The following KMT2C variants were observed in gnomAD, a reference collection of about 807,000 sequenced individuals.
The protein encoded by KMT2C is histone-lysine N-methyltransferase 2C.
KMT2C carries 88 observed loss-of-function variants against 507.9 expected under a neutral mutation model. That is an observed-to-expected ratio of 0.17 (90% CI 0.15 to 0.21). The LOEUF (loss-of-function observed/expected upper bound fraction) is 0.21. KMT2C is among the 10% of genes least tolerant of loss of function. The pLI is 1.00. For synonymous variants in KMT2C, 2,049 were observed against 2,080.8 expected (o/e 0.98, Z 0.42); for missense variants, 4,954 against 5,957.8 (o/e 0.83, Z 5.55).
At chr7:152,352,102 C>T (rs2097115705) in intron 2 of KMT2C, among the ~76,000 whole-genome samples, 1 of 152,174 alleles carries the variant, frequency 6.6e-6, no homozygotes, top group African/African-American at 2.4e-5. Flanking sequence ...AGGAACATCC[C>T]TAAGAAAGCA....
intron 3 of KMT2C, among the ~76,000 whole-genome samples, chr7:152,327,248 A>C (rs1358810803): frequency 2.0e-5 from 3 of 152,250 alleles, no homozygotes; most frequent in African/African-American, 7.2e-5. Context: ...GATTATTATA[A>C]ATGAAATTAT....
In KMT2C at chr7:152,162,114, T is replaced by C; in HGVS notation, c.11460+3A>G. 6.5e-7 allele frequency: 1 copy of C among 1,542,846 alleles called. No individual in the cohort carries two copies. Among genetic ancestry groups the C allele is most frequent in the South Asian group, 1.3e-5 (1 of 77,756 alleles). Reference sequence around the variant, plus strand: ...AGTTGTCGTTTTTATGATTTACACTTACCAGTCCTTCAGCTGGGTTCTGCT... The same window carrying C: ...AGTTGTCGTTTTTATGATTTACACTCACCAGTCCTTCAGCTGGGTTCTGCT... On this transcript the variant is annotated splice_donor_region_variant and intron_variant, in intron 43 of 58. Coordinates refer to ENST00000262189, the MANE Select transcript of KMT2C (RefSeq NM_170606.3).
intron 3 of KMT2C, among the ~76,000 whole-genome samples, chr7:152,328,245 G>A (rs888935157): frequency 1.3e-5 from 2 of 152,186 alleles, no homozygotes; most frequent in African/African-American, 4.8e-5. Context: ...GGAGGAGGAG[G>A]AGAGGACTAC....
Position 152,220,852 on chromosome 7 carries a change from G to A in KMT2C, c.3500-117C>T, listed in dbSNP as rs576574891. The A allele has an allele frequency of 1.2e-4, 83 of 701,116 alleles. 2 individuals are homozygous for A. In the South Asian group the frequency reaches 1.4e-3, roughly 12 times the overall value. The allele number at this position is 701,116 out of a possible 1,614,324, so 43.4% of individuals were successfully genotyped here. A position where few individuals can be genotyped will look rare whatever the true frequency, so the allele number is the denominator to read the frequency against. On this transcript the variant is annotated intron_variant, in intron 22 of 58. Coordinates refer to ENST00000262189, the MANE Select transcript of KMT2C (RefSeq NM_170606.3). ...GACTGTAGTTCTAGAAAGCAATTAC[G>A]TATCTATGAAATGCATGAATAATTA... is the stretch of plus-strand genomic sequence containing the variant.
intron 2 of KMT2C, among the ~76,000 whole-genome samples, chr7:152,338,105 G>A (rs2096955068): frequency 6.6e-6 from 1 of 152,092 alleles, no homozygotes; most frequent in South Asian, 2.1e-4. Context: ...TGATCCGCTT[G>A]CCTCAGCCTC....
intron 3 of KMT2C, among the ~76,000 whole-genome samples, chr7:152,327,687 G>A (rs755113411): frequency 2.8e-4 from 42 of 151,986 alleles, no homozygotes; most frequent in South Asian, 6.2e-4. Flanking sequence ...GGCCGGGCGC[G>A]GTGACTCACG....
In KMT2C at chr7:152,329,411, A is replaced by G. The variant is rs79021249; in HGVS notation, c.389+1190T>C. On this transcript the variant is annotated intron_variant, in intron 3 of 58. Coordinates refer to ENST00000262189, the MANE Select transcript of KMT2C (RefSeq NM_170606.3). ...GAGACCCAGTCTCTACCAAAAAAAA[A>G]GCTTAAAAATTAGCCAAGTATGGTG... is the stretch of plus-strand genomic sequence containing the variant. Among the ~76,000 whole-genome samples the G allele has an allele frequency of 7.9e-5, 12 of 152,036 alleles. No individual in the cohort carries two copies. In the East Asian group the frequency reaches 2.3e-3, roughly 30 times the overall value.
intron 5 of KMT2C, 143 bp downstream of exon 5, chr7:152,311,655 G>T (rs539273422): frequency 1.7e-6 from 1 of 588,836 alleles, no homozygotes; most frequent in Non-Finnish European, 2.7e-6. Context: ...ACCTAACCAG[G>T]CATATTTAAT....
chr7:152,330,712 T>A lies in KMT2C; in HGVS notation c.278A>T (p.Asp93Val). 6.2e-7 allele frequency: 1 copy of A among 1,613,902 alleles called. No homozygotes were observed. ...TEIKEQSAEE[D>V]AEAEVDNSKQ... The stretch of plus-strand genomic sequence containing the variant: ...GCTGTTATCCACTTCTGCTTCAGCA[T>A]CCTCTTCTGCAGATTGTTCTTTGAT... Residue 93 changes from aspartate (D) to valine (V), a missense_variant, in exon 3 of 59, where the codon GAT (aspartate) becomes GTT (valine). Around this residue, in one of 29 missense-constraint regions of KMT2C, gnomAD observed 233 missense variants for 263.6 expected, o/e 0.88. Coordinates refer to ENST00000262189, the MANE Select transcript of KMT2C (RefSeq NM_170606.3).
chr7:152,274,572 A>G (rs535160338), intron 6 of KMT2C, among the ~76,000 whole-genome samples: 40 of 152,336 alleles, frequency 2.6e-4, no homozygotes, highest in African/African-American at 9.4e-4. Flanking sequence ...AAGTCAGAAG[A>G]AATTATGTAA....
intron 9 of KMT2C, among the ~76,000 whole-genome samples, chr7:152,253,091 G>A (rs898551291): frequency 6.6e-6 from 1 of 152,086 alleles, no homozygotes; most frequent in Non-Finnish European, 1.5e-5. Flanking sequence ...CTGACCTCAA[G>A]TGATCTGCCT....
chr7:152,173,811 A>T (rs1018779517), intron 39 of KMT2C, among the ~76,000 whole-genome samples: 2 of 152,232 alleles, frequency 1.3e-5, no homozygotes, highest in Admixed American at 6.5e-5. Context: ...TAACATGAAC[A>T]ATTCTAAAGG....
At chr7:152,215,709 A>ACAC (rs1563431698) in intron 23 of KMT2C, among the ~76,000 whole-genome samples, 1 of 139,932 alleles carries the variant, frequency 7.1e-6, no homozygotes, top group African/African-American at 3.0e-5. Flanking sequence ...ATACACACAC[A>ACAC]AAATATATAT....
At chr7:152,432,525 G>A (rs556840535) in intron 1 of KMT2C, among the ~76,000 whole-genome samples, 156 of 152,278 alleles carry the variant, frequency 1.0e-3, no homozygotes, top group Non-Finnish European at 1.9e-3. Context: ...TCAAATGAAT[G>A]TAAATTTCAC....
intron 14 of KMT2C, among the ~76,000 whole-genome samples, chr7:152,240,055 C>T (rs2095355353): frequency 6.6e-6 from 1 of 152,162 alleles, no homozygotes. Flanking sequence ...GTCCAGCAAT[C>T]CAACTCATTC....
intron 23 of KMT2C, among the ~76,000 whole-genome samples, chr7:152,215,040 T>C (rs1388882023): frequency 6.6e-6 from 1 of 151,970 alleles, no homozygotes; most frequent in Non-Finnish European, 1.5e-5. Flanking sequence ...ATACAAAGCA[T>C]GTTGTATACC....
chr7:152,145,379 G>A (rs1240217247), intron 53 of KMT2C, 84 bp from the exon 54 acceptor site: 24 of 1,367,766 alleles, frequency 1.8e-5, no homozygotes, highest in South Asian at 1.2e-4. Flanking sequence ...GATGGCCCAC[G>A]ACAGAAATAA....
intron 3 of KMT2C, among the ~76,000 whole-genome samples, chr7:152,330,373 G>A (rs1315503246): frequency 2.0e-5 from 3 of 152,088 alleles, no homozygotes; most frequent in Admixed American, 1.3e-4. Context: ...GGCCTGAGGT[G>A]ACTAGAGTAA....
chr7:152,258,527 T>C (rs1239355201), intron 9 of KMT2C, among the ~76,000 whole-genome samples: 1 of 151,916 alleles, frequency 6.6e-6, no homozygotes, highest in Non-Finnish European at 1.5e-5. Flanking sequence ...TTGCTGTTGT[T>C]GTTGTTGTTG....
Sources: allele counts gnomAD v4.1 joint callset (sites outside exome capture counted in the v4.1 genomes callset), GRCh38; gene constraint gnomAD v4.1.1; regional missense constraint gnomAD v4.1.1; transcripts MANE v1.5; gene names NCBI Gene and HGNC (gene_info 2026-07-23, HGNC 2026-07-21).